Variants in TEX36 observed in about 807,000 individuals in gnomAD.
TEX36 encodes testis-expressed protein 36.
TEX36 carries 12 observed loss-of-function variants against 13.6 expected under a neutral mutation model. The observed-to-expected ratio is 0.88, with a 90% CI of 0.56 to 1.43. The LOEUF (loss-of-function observed/expected upper bound fraction) is 1.43, where lower values mean the gene tolerates loss of function less well. TEX36 is among the 40% of genes most tolerant of loss of function. TEX36 has a pLI of 0.00. For synonymous variants in TEX36, 93 were observed against 83.0 expected (o/e 1.12, Z -0.65); for missense variants, 224 against 228.3 (o/e 0.98, Z 0.12).
At chr10:125,601,290 T>C (rs1050477091) in intron 3 of TEX36, among the ~76,000 whole-genome samples, 1 of 152,248 alleles carries the variant, frequency 6.6e-6, no homozygotes, top group Non-Finnish European at 1.5e-5. Flanking sequence ...GAAACTATAA[T>C]AATTACTATA....
At chr10:125,649,203 T>A (rs968147168) in intron 3 of TEX36, among the ~76,000 whole-genome samples, 2 of 152,108 alleles carry the variant, frequency 1.3e-5, no homozygotes, top group Non-Finnish European at 2.9e-5. Flanking sequence ...CACATAATTG[T>A]CAGATTCACC....
At chr10:125,608,796 G>T (rs1846249609) in intron 3 of TEX36, among the ~76,000 whole-genome samples, 1 of 151,960 alleles carries the variant, frequency 6.6e-6, no homozygotes, top group Non-Finnish European at 1.5e-5. Flanking sequence ...TATACATAAG[G>T]ATATTAACGG....
At chr10:125,631,968 G>T (rs1049151606) in intron 3 of TEX36, among the ~76,000 whole-genome samples, 17 of 152,128 alleles carry the variant, frequency 1.1e-4, no homozygotes, top group Admixed American at 9.2e-4. Context: ...CCCTCCGTGT[G>T]GTGGCGTGTG....
chr10:125,598,066 G>A (rs1301862513), intron 3 of TEX36, among the ~76,000 whole-genome samples: 1 of 152,172 alleles, frequency 6.6e-6, no homozygotes, highest in African/African-American at 2.4e-5. Flanking sequence ...GGGTTAAGGA[G>A]GGTGGGAGTG....
chr10:125,584,454 C>T (rs1845919361), intron 3 of TEX36, among the ~76,000 whole-genome samples: 1 of 152,280 alleles, frequency 6.6e-6, no homozygotes, highest in Admixed American at 6.5e-5. Context: ...TGGTATTTTC[C>T]TTCCAAAGTT....
At chr10:125,655,568 G>T, downstream of TEX36, 1 of 587,162 alleles carries the variant, frequency 1.7e-6, no homozygotes, top group Non-Finnish European at 2.2e-6. Flanking sequence ...ACTTACTTCT[G>T]AGGACATACA....
chr10:125,656,194 G>A lies in TEX36; in HGVS notation c.267C>T (p.Gly89=). 2 of 1,450,604 alleles carry A rather than the reference G, an allele frequency of 1.4e-6. No individual in the cohort carries two copies. Among genetic ancestry groups the A allele is most frequent in the South Asian group, 1.4e-5 (1 of 71,186 alleles). 89.9% of individuals were successfully genotyped at this position (1,450,604 alleles called of 1,614,324 possible). Residue 89 remains glycine, a splice_region_variant and synonymous_variant, in exon 4 of 4, where the codon GGC becomes GGT. Coordinates refer to ENST00000368821, the MANE Select transcript of TEX36 (RefSeq NM_001128202.3). Reference sequence around the variant, plus strand: ...CTGGAGAGATCTTCTTACGTCCCAGGCCCTGGAGAGAAGAATTACAAGATT... The same window carrying A: ...CTGGAGAGATCTTCTTACGTCCCAGACCCTGGAGAGAAGAATTACAAGATT... ...LENSGCYLDS[G]LGRKKISPDK...
At chr10:125,665,546 A>G (rs1485999482) in intron 1 of TEX36, among the ~76,000 whole-genome samples, 1 of 151,970 alleles carries the variant, frequency 6.6e-6, no homozygotes, top group Non-Finnish European at 1.5e-5. Context: ...GTCAAAGATC[A>G]GTTTTCTGGG....
chr10:125,594,768 T>G (rs1846061514), intron 3 of TEX36, among the ~76,000 whole-genome samples: 1 of 152,156 alleles, frequency 6.6e-6, no homozygotes, highest in Non-Finnish European at 1.5e-5. Flanking sequence ...AGGTTAAAAT[T>G]GATAAAAACT....
chr10:125,652,017 T>C (rs951394064), downstream of TEX36, among the ~76,000 whole-genome samples: 1 of 152,200 alleles, frequency 6.6e-6, no homozygotes, highest in Admixed American at 6.5e-5. Flanking sequence ...GGAAGAACAT[T>C]CCATGCTCAT....
At chr10:125,647,839 G>A (rs1846794574) in intron 3 of TEX36, among the ~76,000 whole-genome samples, 1 of 152,198 alleles carries the variant, frequency 6.6e-6, no homozygotes, top group South Asian at 2.1e-4. Flanking sequence ...TTAGCAAACA[G>A]CACACCAGGA....
chr10:125,657,391 G>T (rs1350249629), intron 3 of TEX36, among the ~76,000 whole-genome samples: 1 of 152,200 alleles, frequency 6.6e-6, no homozygotes, highest in African/African-American at 2.4e-5. Context: ...CAGAACCAGA[G>T]TAGGGAGAAG....
At chr10:125,654,012 A>G (rs1846904193), downstream of TEX36, among the ~76,000 whole-genome samples, 2 of 152,152 alleles carry the variant, frequency 1.3e-5, no homozygotes, top group Non-Finnish European at 2.9e-5. Flanking sequence ...TACTCTCTGT[A>G]ATAATATTCC....
intron 1 of TEX36, chr10:125,668,071 G>A (rs1486931588): frequency 6.4e-6 from 4 of 626,738 alleles, no homozygotes; most frequent in Non-Finnish European, 1.1e-5. Context: ...AAATAACTGA[G>A]AGTCTGTGGA....
chr10:125,680,544 G>A (rs1249839776), intron 1 of TEX36, among the ~76,000 whole-genome samples: 4 of 152,160 alleles, frequency 2.6e-5, no homozygotes, highest in Non-Finnish European at 1.5e-5. Flanking sequence ...ATAGGAAGGG[G>A]CAAGTGTGTG....
intron 3 of TEX36, among the ~76,000 whole-genome samples, chr10:125,644,225 T>A (rs561025619): frequency 6.6e-6 from 1 of 152,318 alleles, no homozygotes; most frequent in East Asian, 1.9e-4. Context: ...CTTAGTAAGC[T>A]GGAAGATGAA....
At chr10:125,576,854 G>A in exon 4 of TEX36, 1 of 1,536,146 alleles carries the variant, frequency 6.5e-7, no homozygotes, top group Non-Finnish European at 8.7e-7. Context: ...CTCCCTGTGG[G>A]TCCGTTGCTG....
chr10:125,682,830 T>C lies in TEX36; in HGVS notation c.51+109A>G. On this transcript the variant is annotated intron_variant, in intron 1 of 3. Transcript: ENST00000368821. ...TGAGGTTGAGTAAAGTGAAGTGATT[T>C]GTCAAAGGTCATGCTTCAGTAATAG... The C allele has an allele frequency of 3.3e-6, 4 of 1,226,512 alleles. No homozygotes were observed. The South Asian group carries it at 5.2e-5, about 16-fold the overall frequency. The allele number at this position is 1,226,512 out of a possible 1,614,324, so 76.0% of individuals were successfully genotyped here.
chr10:125,669,325 C>A (rs1245853006), intron 1 of TEX36, among the ~76,000 whole-genome samples: 1 of 151,570 alleles, frequency 6.6e-6, no homozygotes, highest in East Asian at 1.9e-4. Context: ...TAAATAAATA[C>A]AAAACTTAGC....
Sources: gnomAD v4.1 joint callset for allele counts (sites outside exome capture counted in the v4.1 genomes callset) on GRCh38, gnomAD v4.1.1 for gene constraint, MANE v1.5 for transcripts, NCBI Gene and HGNC (gene_info 2026-07-23, HGNC 2026-07-21) for gene names.